Variants in DUSP16 observed in about 807,000 individuals in gnomAD.
DUSP16 encodes the protein dual specificity phosphatase 16, also known as dual specificity protein phosphatase 16.
A neutral mutation model predicts 58.3 loss-of-function variants in DUSP16; 21 were observed. That is an observed-to-expected ratio of 0.36 (90% CI 0.26 to 0.52). The LOEUF (loss-of-function observed/expected upper bound fraction) is 0.52, where lower values mean the gene tolerates loss of function less well. Ranked by LOEUF, DUSP16 falls within the 20% of genes least tolerant of loss-of-function variation. The pLI, the probability that DUSP16 is intolerant of heterozygous loss-of-function variation, is 0.94. For synonymous variants in DUSP16, 320 were observed against 323.8 expected (o/e 0.99, Z 0.12); for missense variants, 726 against 819.0 (o/e 0.89, Z 1.39).
At position 12,477,766 on chromosome 12, in the gene DUSP16, C is replaced by G. The variant is rs1943483324; in HGVS notation, c.1065G>C (p.Val355=). The G allele has an allele frequency of 1.2e-6, 2 of 1,613,330 alleles. No individual in the cohort carries two copies. Among genetic ancestry groups the G allele is most frequent in the Non-Finnish European group, 1.7e-6 (2 of 1,179,856 alleles). Residue 355 remains valine (V), a synonymous_variant, in exon 7 of 7, where the codon GTG becomes GTC. Coordinates refer to ENST00000298573, the MANE Select transcript of DUSP16 (RefSeq NM_030640.3). This position sits in a 1 kb window ranked among gnomAD's most constrained non-coding sequence, Gnocchi z 4.1. ...GCACGCTGGGCACGCTGGCGGGATG[C>G]ACGGGCCTTTGTCCTGCTGCCTCTG... ...ATSEAAGQRP[V]HPASVPSVPS...
chr12:12,545,455 T>C (rs1944627503), intron 1 of DUSP16, among the ~76,000 whole-genome samples: 1 of 150,592 alleles, frequency 6.6e-6, no homozygotes, highest in South Asian at 2.1e-4. Context: ...TTTTTTTTTT[T>C]TTTTTCCGTA....
At chr12:12,561,094 G>T (rs1424543447) in intron 1 of DUSP16, 1 of 152,198 alleles carries the variant, frequency 6.6e-6, no homozygotes, top group Admixed American at 6.5e-5. Context: ...GGGAGCCAGA[G>T]CGCTGGGTAA....
At chr12:12,552,979 C>T (rs1229115815) in intron 1 of DUSP16, among the ~76,000 whole-genome samples, 1 of 151,992 alleles carries the variant, frequency 6.6e-6, no homozygotes, top group Admixed American at 6.6e-5. Flanking sequence ...CGGGGTTTTA[C>T]CATGTTGGTC....
chr12:12,484,716 G>T (rs1011538327), intron 5 of DUSP16, among the ~76,000 whole-genome samples: 2 of 152,014 alleles, frequency 1.3e-5, no homozygotes, highest in Non-Finnish European at 2.9e-5. Context: ...CCACATCCCA[G>T]GTTCAAGAGA....
chr12:12,500,666 G>A lies in DUSP16; in HGVS notation c.384C>T (p.Phe128=). Residue 128 remains phenylalanine (F), a synonymous_variant, in exon 4 of 7, where the codon TTC becomes TTT. Transcript: ENST00000298573. ...VHLLAGGFAE[F]SRCFPGLCEG... is the part of the protein sequence containing the mutation. The stretch of plus-strand genomic sequence containing the variant: ...CACAGAGGCCAGGGAAACAACGAGA[G>A]AACTCAGCAAACCCACCTAAGAATA... 2 of 1,588,454 alleles carry A rather than the reference G, an allele frequency of 1.3e-6. No individual in the cohort carries two copies. The highest frequency in any genetic ancestry group is 1.7e-6 in the Non-Finnish European group (2 of 1,170,654).
At position 12,520,683 on chromosome 12, in the gene DUSP16, T is replaced by G. The variant is rs73293611; in HGVS notation, c.228+188A>C. Among the ~76,000 whole-genome samples, 378 of 152,306 alleles carry G rather than the reference T, an allele frequency of 2.5e-3. 2 individuals carry two copies. The highest frequency in any genetic ancestry group is 8.7e-3 in the African/African-American group (360 of 41,570). ...TAAAGCAAGTTAATCCTTCATAGTT[T>G]AGAAATATTATTAAATGTGGCAATA... On this transcript the variant is annotated intron_variant, in intron 2 of 6. Coordinates refer to ENST00000298573, the MANE Select transcript of DUSP16 (RefSeq NM_030640.3).
chr12:12,548,901 T>G (rs931221431), intron 1 of DUSP16, among the ~76,000 whole-genome samples: 1 of 152,042 alleles, frequency 6.6e-6, no homozygotes, highest in Non-Finnish European at 1.5e-5. Flanking sequence ...GTCCTCCACT[T>G]CTAATCATGA....
chr12:12,489,595 A>G (rs1943734944), intron 4 of DUSP16, among the ~76,000 whole-genome samples: 1 of 152,252 alleles, frequency 6.6e-6, no homozygotes, highest in African/African-American at 2.4e-5. Flanking sequence ...ACTCAATTCA[A>G]TAATGAAGAA....
At chr12:12,545,391 T>G (rs979693358) in intron 1 of DUSP16, among the ~76,000 whole-genome samples, 2 of 151,656 alleles carry the variant, frequency 1.3e-5, no homozygotes, top group African/African-American at 4.8e-5. Context: ...CTCAGCCTCC[T>G]GAGTAGCTGG....
At position 12,477,743 on chromosome 12, in the gene DUSP16, ACGCTGGG is replaced by A. The variant is rs781313335; in HGVS notation, c.1081_1087del (p.Pro361CysfsTer9). 6.5e-7 allele frequency: 1 copy of A among 1,542,988 alleles called. No homozygotes were observed. On this transcript the variant is annotated frameshift_variant, in exon 7 of 7. Coordinates refer to ENST00000298573, the MANE Select transcript of DUSP16 (RefSeq NM_030640.3). LOFTEE classifies it high-confidence loss of function. This position sits in a 1 kb window ranked among gnomAD's most constrained non-coding sequence, Gnocchi z 4.1. Reference sequence around the variant, plus strand: ...TAACAGCGACGGCTGCACGCTGGGCACGCTGGGCACGCTGGCGGGATGCACGGGCCTT... The same window carrying A: ...TAACAGCGACGGCTGCACGCTGGGCACACGCTGGCGGGATGCACGGGCCTT...
intron 3 of DUSP16, among the ~76,000 whole-genome samples, chr12:12,510,005 A>G (rs1035728471): frequency 6.6e-5 from 10 of 152,206 alleles, no homozygotes; most frequent in African/African-American, 2.4e-4. Context: ...TTGGTTATCC[A>G]AAAGCGACAC....
intron 4 of DUSP16, among the ~76,000 whole-genome samples, chr12:12,490,693 T>C (rs1943749965): frequency 6.6e-6 from 1 of 152,160 alleles, no homozygotes; most frequent in South Asian, 2.1e-4. Context: ...CACTTCTACT[T>C]TTCATTTTTT....
At chr12:12,551,614 T>C (rs75420976) in intron 1 of DUSP16, among the ~76,000 whole-genome samples, 2,104 of 152,184 alleles carry the variant, frequency 0.014, 54 homozygotes, top group African/African-American at 0.048. Flanking sequence ...CTGATGGTGA[T>C]ATTAATGACT....
intron 1 of DUSP16, among the ~76,000 whole-genome samples, chr12:12,545,529 G>A (rs373103269): frequency 6.7e-6 from 1 of 148,346 alleles, no homozygotes; most frequent in African/African-American, 2.5e-5. Context: ...TGATCCGCCC[G>A]CCTCAGCCTC....
intron 4 of DUSP16, among the ~76,000 whole-genome samples, chr12:12,492,071 AG>A (rs1216003054): frequency 6.6e-6 from 1 of 152,168 alleles, no homozygotes; most frequent in Non-Finnish European, 1.5e-5. Context: ...TTACAACCCT[AG>A]TTAAGTCTAA....
rs868124160 is a variant in DUSP16, at chr12:12,556,875, T to A, written c.-366+5242A>T. 7.2e-5 allele frequency among the ~76,000 whole-genome samples: 11 copies of A among 152,336 alleles called. No homozygotes were observed. In the South Asian group the frequency reaches 2.3e-3, roughly 32 times the overall value. The stretch of plus-strand genomic sequence containing the variant: ...ACAAGAGTTGAACAGGTGTCATCCC[T>A]TACCCTATTTTACCTATTGGTAATT... On this transcript the variant is annotated intron_variant, in intron 1 of 6. Transcript: ENST00000298573.
intron 1 of DUSP16, among the ~76,000 whole-genome samples, chr12:12,538,057 G>C (rs144359649): frequency 6.6e-6 from 1 of 152,110 alleles, no homozygotes; most frequent in African/African-American, 2.4e-5. Flanking sequence ...AGATTGATTC[G>C]TGGGTCTAGA....
intron 4 of DUSP16, among the ~76,000 whole-genome samples, chr12:12,495,808 C>T (rs900154272): frequency 2.0e-5 from 3 of 152,224 alleles, no homozygotes; most frequent in African/African-American, 7.2e-5. Flanking sequence ...AAACTGGCCT[C>T]AAGTCCTACT....
intron 1 of DUSP16, among the ~76,000 whole-genome samples, chr12:12,533,814 C>T (rs544872847): frequency 7.3e-4 from 111 of 152,392 alleles, no homozygotes; most frequent in Admixed American, 1.7e-3. Flanking sequence ...TGTCACTTGA[C>T]ATTCCCCAAG....
Sources: allele counts gnomAD v4.1 joint callset (sites outside exome capture counted in the v4.1 genomes callset), GRCh38; gene constraint gnomAD v4.1.1; non-coding constraint Gnocchi (gnomAD v3.1); transcripts MANE v1.5; gene names NCBI Gene and HGNC (gene_info 2026-07-23, HGNC 2026-07-21).